The following SGCB variants were observed in gnomAD, a reference collection of about 807,000 sequenced individuals.
SGCB encodes beta-sarcoglycan.
SGCB carries 25 observed loss-of-function variants against 27.3 expected under a neutral mutation model. The observed-to-expected ratio is 0.92, with a 90% confidence interval of 0.67 to 1.28. The LOEUF is 1.28. Ranked by LOEUF, SGCB falls within the 50% of genes most tolerant of loss-of-function variation. The pLI, the probability that SGCB is intolerant of heterozygous loss-of-function variation, is 0.00. For synonymous variants in SGCB, 147 were observed against 133.5 expected, an observed-to-expected ratio of 1.10 and a Z score of -0.70; for missense variants, 436 against 402.1, an observed-to-expected ratio of 1.08 and a Z score of -0.72.
intron 3 of SGCB, among the ~76,000 whole-genome samples, chr4:52,029,272 A>G: frequency 6.6e-6 from 1 of 152,200 alleles, no homozygotes; most frequent in East Asian, 1.9e-4. Context: ...GATGCCACTG[A>G]CTAGATTGGC....
chr4:52,037,664 TG>T (rs1447180868), intron 1 of SGCB, among the ~76,000 whole-genome samples: 2 of 152,216 alleles, frequency 1.3e-5, no homozygotes, highest in Admixed American at 6.5e-5. Flanking sequence ...CAGGAAATCT[TG>T]GATAAATCAT....
intron 2 of SGCB, among the ~76,000 whole-genome samples, chr4:52,031,217 C>G (rs891655983): frequency 3.3e-5 from 5 of 152,176 alleles, no homozygotes; most frequent in Middle Eastern, 3.4e-3. Context: ...CATTTCCCCC[C>G]CAGTGTTTTC....
chr4:52,036,362 A>G (rs1426454170), intron 1 of SGCB, among the ~76,000 whole-genome samples: 1 of 152,232 alleles, frequency 6.6e-6, no homozygotes, highest in Non-Finnish European at 1.5e-5. Context: ...GTAGGGATGA[A>G]GCAAGAAATA....
At chr4:52,024,409 T>C (rs1005978506) in intron 5 of SGCB, among the ~76,000 whole-genome samples, 1 of 152,184 alleles carries the variant, frequency 6.6e-6, no homozygotes. Context: ...TAGTTAAAAT[T>C]ACATCAGAAT....
At chr4:52,030,225 T>A (rs1737213340) in intron 2 of SGCB, among the ~76,000 whole-genome samples, 1 of 152,188 alleles carries the variant, frequency 6.6e-6, no homozygotes, top group Non-Finnish European at 1.5e-5. Context: ...TAAACATATA[T>A]TTCTAAAATA....
rs1246109712 is a variant in SGCB, at chr4:52,020,775, C to A, written c.*3182G>T. 1.8e-4 allele frequency: 28 copies of A among 152,580 alleles called. No homozygotes were observed. Among genetic ancestry groups the A allele is most frequent in the Non-Finnish European group, 1.5e-5 (1 of 68,016 alleles). 9.5% of individuals were successfully genotyped at this position (152,580 alleles called of 1,614,324 possible). On this transcript the variant is annotated 3_prime_UTR_variant, in exon 6 of 6. Transcript: ENST00000381431. ...ATTACAAACTGAATCAACTGAAACT[C>A]AAGTTAGCAATGTGAAACACATTTA...
chr4:52,028,758 A>G lies in SGCB; in HGVS notation c.593T>C (p.Leu198Ser), dbSNP rs1434110900. The change falls in exon 4 of 6, where the codon TTG becomes TCG. Residue 198 changes from leucine to serine, a missense_variant. Leu to Ser is a moderately radical substitution (Grantham distance 145). Transcript: ENST00000381431. The stretch of plus-strand genomic sequence containing the variant: ...TTCAGTAGATGCCTTTTGAACATTC[A>G]AACTTTTCACTCCACTTGGCAAATG... ...EFHLPSGVKS[L>S]NVQKASTERI... 1 of 1,613,744 alleles carries G rather than the reference A, an allele frequency of 6.2e-7. No homozygotes were observed. The highest frequency in any genetic ancestry group is 1.1e-5 in the South Asian group (1 of 91,064).
Position 52,028,725 on chromosome 4 carries a change from C to A in SGCB, c.621+5G>T. On this transcript the variant is annotated splice_donor_5th_base_variant and intron_variant, in intron 4 of 5. Transcript: ENST00000381431. ...CATTAGTAAAACAAAGCCAATAAATCATACCCTTTCAGTAGATGCCTTTTG... is the reference window on the plus strand; with the variant it reads ...CATTAGTAAAACAAAGCCAATAAATAATACCCTTTCAGTAGATGCCTTTTG... 1 of 1,597,898 alleles carries A rather than the reference C, an allele frequency of 6.3e-7. No individual in the cohort carries two copies. Among genetic ancestry groups the A allele is most frequent in the Non-Finnish European group, 8.6e-7 (1 of 1,165,504 alleles).
intron 3 of SGCB, 95 bp downstream of exon 3, chr4:52,029,583 T>G: frequency 1.3e-6 from 1 of 759,062 alleles, no homozygotes; most frequent in Admixed American, 2.0e-5. Context: ...TAAGGGAAAA[T>G]ATCTCTTTCC....
chr4:52,038,284 C>T lies in SGCB; in HGVS notation c.-25G>A, dbSNP rs571169918. The T allele has an allele frequency of 1.2e-3, 1,496 of 1,291,038 alleles. 8 individuals are homozygous for T. The African/African-American group carries it at 0.021, about 18-fold the overall frequency. The allele number at this position is 1,291,038 out of a possible 1,614,324, so 80.0% of individuals were successfully genotyped here. ...TCTTCCCGCGCCCGCCGCCGCCGAG[C>T]TCCCCGCCCGACTGTGCCCGCCCCT... is the stretch of plus-strand genomic sequence containing the variant. On this transcript the variant is annotated 5_prime_UTR_variant, in exon 1 of 6. Transcript: ENST00000381431.
chr4:52,037,838 G>A (rs757005578), intron 1 of SGCB, among the ~76,000 whole-genome samples: 13 of 152,206 alleles, frequency 8.5e-5, no homozygotes, highest in Admixed American at 3.3e-4. Flanking sequence ...CTTGTAAGAG[G>A]AGCCTTCTCG....
intron 1 of SGCB, among the ~76,000 whole-genome samples, chr4:52,034,560 A>C (rs539707150): frequency 6.6e-6 from 1 of 152,100 alleles, no homozygotes; most frequent in African/African-American, 2.4e-5. Flanking sequence ...GCACCACTTT[A>C]TATAAGGGAC....
chr4:52,033,524 A>C lies in SGCB; in HGVS notation c.150T>G (p.Asp50Glu). The change falls in exon 2 of 6, where the codon GAT becomes GAG. Residue 50 changes from aspartate to glutamate, a missense_variant. By Grantham distance (45) the Asp-to-Glu change is conservative. Transcript: ENST00000381431. The part of the protein sequence containing the change: ...FKAGYIPIDE[D>E]RLHKTGLRGR... The stretch of plus-strand genomic sequence containing the variant: ...CTCTCAACCCTGTTTTGTGGAGACG[A>C]TCTTCATCAATCGGAATGTATCCAG... The C allele has an allele frequency of 1.2e-6, 2 of 1,613,828 alleles. No homozygotes were observed. Among genetic ancestry groups the C allele is most frequent in the Non-Finnish European group, 1.7e-6 (2 of 1,179,744 alleles).
Position 52,023,727 on chromosome 4 carries a change from TC to T in SGCB, c.*229del, listed in dbSNP as rs1737011991. The T allele has an allele frequency of 2.0e-6, 1 of 497,520 alleles. No homozygotes were observed. The highest frequency in any genetic ancestry group is 3.6e-6 in the Non-Finnish European group (1 of 278,888). 30.8% of individuals were successfully genotyped at this position (497,520 alleles called of 1,614,324 possible). ...CATGACTTTTGATTTTATTTGCTTCTCATAATTATTTTAGAGAACAGTAAAT... is the reference window on the plus strand; with the variant it reads ...CATGACTTTTGATTTTATTTGCTTCTATAATTATTTTAGAGAACAGTAAAT... On this transcript the variant is annotated 3_prime_UTR_variant, in exon 6 of 6. Transcript: ENST00000381431.
chr4:52,028,240 A>C, intron 4 of SGCB, 141 bp from the exon 5 acceptor site: 1 of 677,198 alleles, frequency 1.5e-6, no homozygotes, highest in Non-Finnish European at 2.5e-6. Flanking sequence ...GTGGAAATTG[A>C]GATAAAGATG....
rs1274683970 is a variant in SGCB, at chr4:52,038,210, C to T, written c.33+17G>A. 8.1e-7 allele frequency: 1 copy of T among 1,240,994 alleles called. No individual in the cohort carries two copies. Among genetic ancestry groups the T allele is most frequent in the South Asian group, 3.1e-5 (1 of 31,924 alleles). 76.9% of individuals were successfully genotyped at this position (1,240,994 alleles called of 1,614,324 possible). ...CCCCCGCTCCTCCAGCCCGCGGCCG[C>T]GGCGGTACTCACAGACCTGTTCTGC... On this transcript the variant is annotated intron_variant, in intron 1 of 5. Transcript: ENST00000381431.
intron 2 of SGCB, among the ~76,000 whole-genome samples, chr4:52,031,326 TTCTG>T (rs200271026): frequency 0.011 from 1,718 of 152,104 alleles, 34 homozygotes; most frequent in African/African-American, 0.035. Flanking sequence ...TTCTAATGTC[TTCTG>T]TCTATCTACC....
chr4:52,035,430 G>A (rs1408124403), intron 1 of SGCB, among the ~76,000 whole-genome samples: 1 of 152,212 alleles, frequency 6.6e-6, no homozygotes, highest in African/African-American at 2.4e-5. Flanking sequence ...GGAGTTGTTA[G>A]GGAAATGGGG....
chr4:52,030,172 A>G (rs1275583431), intron 2 of SGCB, among the ~76,000 whole-genome samples: 1 of 152,148 alleles, frequency 6.6e-6, no homozygotes, highest in East Asian at 1.9e-4. Context: ...TAGCTATTTC[A>G]TCTAGAATTT....
Sources: gnomAD v4.1 joint callset for allele counts (sites outside exome capture counted in the v4.1 genomes callset) on GRCh38, gnomAD v4.1.1 for gene constraint, MANE v1.5 for transcripts, NCBI Gene and HGNC (gene_info 2026-07-23, HGNC 2026-07-21) for gene names.